B4GALT6: variants seen among roughly 807,000 people sequenced by gnomAD.
B4GALT6 encodes UDP-Gal:beta-GlcNAc beta-1,4-galactosyltransferase 6.
B4GALT6 carries 14 observed loss-of-function variants against 46.3 expected under a neutral mutation model. That is an observed-to-expected ratio of 0.30 (90% CI 0.20 to 0.47). The LOEUF (loss-of-function observed/expected upper bound fraction) is 0.47. B4GALT6 is among the 20% of genes least tolerant of loss of function. The pLI is 0.99. For missense variants in B4GALT6, 386 were observed against 480.1 expected, an observed-to-expected ratio of 0.80 and a Z score of 1.83; for synonymous variants, 168 against 162.0, an observed-to-expected ratio of 1.04 and a Z score of -0.28.
chr18:31,653,152 A>G (rs1650037759), intron 3 of B4GALT6, among the ~76,000 whole-genome samples: 1 of 151,754 alleles, frequency 6.6e-6, no homozygotes, highest in Admixed American at 6.6e-5. Context: ...CACCTCATGG[A>G]TGCCTAGGAA....
At chr18:31,625,791 C>A in intron 8 of B4GALT6, 30 bp from the exon 9 acceptor site, 1 of 1,545,098 alleles carries the variant, frequency 6.5e-7, no homozygotes, top group Non-Finnish European at 8.7e-7. Context: ...AACAAAAAAG[C>A]AACAAAACAT....
the B4GALT6 span, among the ~76,000 whole-genome samples, chr18:31,719,537 C>A: frequency 6.6e-6 from 1 of 152,200 alleles, no homozygotes; most frequent in South Asian, 2.1e-4. Flanking sequence ...ATCTGTTCAC[C>A]TTGCCCGCTG....
chr18:31,642,096 G>GGA (rs2073936816), intron 4 of B4GALT6, among the ~76,000 whole-genome samples: 1 of 152,180 alleles, frequency 6.6e-6, no homozygotes, highest in African/African-American at 2.4e-5. Context: ...TTCTCAAACT[G>GGA]GAGGCACTTG....
intron 1 of B4GALT6, 103 bp from the exon 2 acceptor site, chr18:31,666,475 G>A: frequency 2.2e-6 from 1 of 450,744 alleles, no homozygotes; most frequent in South Asian, 6.7e-5. Context: ...AACATAAACT[G>A]ACTCAATCAG....
At chr18:31,630,417 GTTT>G (rs572054741) in intron 6 of B4GALT6, among the ~76,000 whole-genome samples, 6 of 147,482 alleles carry the variant, frequency 4.1e-5, no homozygotes, top group African/African-American at 1.5e-4. Context: ...AAAGATTTGG[GTTT>G]TTTTTTTTTA....
intron 2 of B4GALT6, among the ~76,000 whole-genome samples, chr18:31,663,147 T>C (rs1484997778): frequency 6.6e-6 from 1 of 152,206 alleles, no homozygotes; most frequent in Non-Finnish European, 1.5e-5. Context: ...TAATTCTCAC[T>C]GGACCTTATC....
intron 7 of B4GALT6, among the ~76,000 whole-genome samples, chr18:31,626,656 G>C (rs1467303763): frequency 6.6e-6 from 1 of 152,082 alleles, no homozygotes; most frequent in Non-Finnish European, 1.5e-5. Flanking sequence ...GCACATGTGA[G>C]GGATCTAGGT....
the B4GALT6 span, among the ~76,000 whole-genome samples, chr18:31,698,356 T>C: frequency 6.6e-6 from 1 of 152,198 alleles, no homozygotes; most frequent in Admixed American, 6.5e-5. Context: ...CCAGTCACAG[T>C]GGCTCACATC....
chr18:31,651,174 C>G (rs1205071559), intron 3 of B4GALT6, among the ~76,000 whole-genome samples: 1 of 152,120 alleles, frequency 6.6e-6, no homozygotes, highest in Non-Finnish European at 1.5e-5. Flanking sequence ...AACACCTTAT[C>G]TACCACCCCC....
intron 4 of B4GALT6, among the ~76,000 whole-genome samples, chr18:31,640,839 T>C (rs1348170879): frequency 1.3e-5 from 2 of 152,230 alleles, no homozygotes; most frequent in Non-Finnish European, 2.9e-5. Context: ...ATTCAAGGAA[T>C]TCCCGAATCA....
chr18:31,644,505 T>C (rs545387611), intron 4 of B4GALT6, among the ~76,000 whole-genome samples: 5 of 152,302 alleles, frequency 3.3e-5, no homozygotes, highest in South Asian at 2.1e-4. Flanking sequence ...TTTTAAAAGA[T>C]AAACTGTTTC....
intron 1 of B4GALT6, among the ~76,000 whole-genome samples, chr18:31,669,490 T>TAG (rs1243880449): frequency 6.6e-6 from 1 of 152,226 alleles, no homozygotes; most frequent in Non-Finnish European, 1.5e-5. Context: ...TTAAATGTAT[T>TAG]AGTTCCTGAT....
upstream of B4GALT6, among the ~76,000 whole-genome samples, chr18:31,687,523 T>C (rs1420093009): frequency 1.3e-5 from 2 of 152,180 alleles, no homozygotes; most frequent in African/African-American, 4.8e-5. Flanking sequence ...CAATATCAAC[T>C]GATATTTCCT....
chr18:31,708,381 A>G, the B4GALT6 span, among the ~76,000 whole-genome samples: 1 of 152,140 alleles, frequency 6.6e-6, no homozygotes, highest in South Asian at 2.1e-4. Context: ...CTTAGCCAAC[A>G]TGGTGAAACA....
chr18:31,691,887 A>T, the B4GALT6 span, among the ~76,000 whole-genome samples: 1 of 152,324 alleles, frequency 6.6e-6, no homozygotes, highest in African/African-American at 2.4e-5. Flanking sequence ...TGTAAAAAAT[A>T]AGAAGTTTAG....
upstream of B4GALT6, chr18:31,685,862 A>T (rs1433830030): frequency 1.3e-5 from 2 of 152,266 alleles, no homozygotes. Flanking sequence ...CTGTGGAAAC[A>T]GTGTCAGGAT....
Position 31,626,318 on chromosome 18 carries a change from A to G in B4GALT6, c.966T>C (p.Pro322=). The G allele has an allele frequency of 6.2e-7, 1 of 1,607,966 alleles. No homozygotes were observed. Among genetic ancestry groups the G allele is most frequent in the South Asian group, 1.1e-5 (1 of 90,156 alleles). The change falls in exon 8 of 9, where the codon CCT becomes CCC. Residue 322 remains proline, a synonymous_variant. Transcript: ENST00000306851. ...EGDLGKYKSI[P]HHHRGEVQFL... ...ACTGGACTTCACCTCTATGGTGATG[A>G]GGAATTGACTTGTATTTTCCTAAGT...
intron 4 of B4GALT6, among the ~76,000 whole-genome samples, chr18:31,644,195 G>T (rs1399329491): frequency 6.6e-6 from 1 of 152,128 alleles, no homozygotes; most frequent in Non-Finnish European, 1.5e-5. Context: ...CTTGTTCAAG[G>T]CAATAAGAAA....
intron 1 of B4GALT6, among the ~76,000 whole-genome samples, chr18:31,673,228 G>A (rs779614590): frequency 6.6e-6 from 1 of 152,052 alleles, no homozygotes; most frequent in African/African-American, 2.4e-5. Context: ...AGTGGAGATG[G>A]GTAGTAACGG....
Sources: gnomAD v4.1 joint callset for allele counts (sites outside exome capture counted in the v4.1 genomes callset) on GRCh38, gnomAD v4.1.1 for gene constraint, MANE v1.5 for transcripts, NCBI Gene and HGNC (gene_info 2026-07-23, HGNC 2026-07-21) for gene names.